Variants in CNTN5 observed in about 807,000 individuals in gnomAD.
The protein encoded by CNTN5 is contactin 5, also known as contactin-5.
In CNTN5, 77 loss-of-function variants were observed where a neutral mutation model predicts 129.1. That is an observed-to-expected ratio of 0.60 (90% confidence interval 0.50 to 0.72). The LOEUF (loss-of-function observed/expected upper bound fraction) is 0.72, where lower values mean the gene tolerates loss of function less well. Among genes scored for constraint, CNTN5 ranks in the 30% least tolerant of loss-of-function variants. CNTN5 has a pLI of 0.00. For synonymous variants in CNTN5, 509 were observed against 465.6 expected (o/e 1.09, Z -1.20); for missense variants, 1,478 against 1,328.8 (o/e 1.11, Z -1.75).
intron 1 of CNTN5, among the ~76,000 whole-genome samples, chr11:99,168,164 G>A (rs570388216): frequency 1.3e-5 from 2 of 152,138 alleles, no homozygotes; most frequent in African/African-American, 2.4e-5. Context: ...GGCAGGTTTC[G>A]AACTCCTGGG....
At chr11:99,737,144 AACACACAC>A (rs138644247) in intron 3 of CNTN5, among the ~76,000 whole-genome samples, 1 of 143,198 alleles carries the variant, frequency 7.0e-6, no homozygotes, top group Non-Finnish European at 1.5e-5. Context: ...CACACACACA[AACACACAC>A]ACACACACAC....
chr11:99,281,630 T>G (rs1049370612), intron 1 of CNTN5, among the ~76,000 whole-genome samples: 3 of 151,988 alleles, frequency 2.0e-5, no homozygotes, highest in African/African-American at 7.2e-5. Flanking sequence ...TATGTCATCA[T>G]TAGCTTTATT....
At chr11:99,624,879 A>G (rs1455276547) in intron 3 of CNTN5, among the ~76,000 whole-genome samples, 1 of 152,172 alleles carries the variant, frequency 6.6e-6, no homozygotes, top group Non-Finnish European at 1.5e-5. Context: ...TTAGGAACCC[A>G]TCACCCCTAA....
At chr11:100,226,844 G>A (rs1203375040) in intron 16 of CNTN5, among the ~76,000 whole-genome samples, 3 of 151,904 alleles carry the variant, frequency 2.0e-5, no homozygotes, top group Non-Finnish European at 4.4e-5. Flanking sequence ...GTTGGCTTGC[G>A]AAATAAAATT....
At chr11:99,309,954 A>G (rs1351972910) in intron 1 of CNTN5, among the ~76,000 whole-genome samples, 1 of 152,190 alleles carries the variant, frequency 6.6e-6, no homozygotes, top group African/African-American at 2.4e-5. Context: ...TGCAGAACAC[A>G]GATCAGCAGC....
chr11:99,817,025 A>G (rs1195761682), intron 3 of CNTN5, among the ~76,000 whole-genome samples: 1 of 152,196 alleles, frequency 6.6e-6, no homozygotes, highest in East Asian at 1.9e-4. Flanking sequence ...AAGCTGAATG[A>G]GAGTTTTCTC....
intron 7 of CNTN5, among the ~76,000 whole-genome samples, chr11:99,920,560 A>G (rs1358784405): frequency 6.6e-6 from 1 of 152,040 alleles, no homozygotes; most frequent in African/African-American, 2.4e-5. Flanking sequence ...TTCCACCTCT[A>G]TTAATAGAAA....
At chr11:99,452,534 G>A (rs1034247361) in intron 2 of CNTN5, among the ~76,000 whole-genome samples, 7 of 151,722 alleles carry the variant, frequency 4.6e-5, no homozygotes, top group Non-Finnish European at 5.9e-5. Context: ...CACCACACCC[G>A]GCTAATTTTT....
chr11:99,262,672 G>A (rs1037474431), intron 1 of CNTN5, among the ~76,000 whole-genome samples: 1 of 150,500 alleles, frequency 6.6e-6, no homozygotes, highest in Non-Finnish European at 1.5e-5. Flanking sequence ...ACCAAGTGAA[G>A]TTTATTTATA....
chr11:100,321,781 C>CT (rs1473880320), intron 21 of CNTN5, among the ~76,000 whole-genome samples: 4 of 151,962 alleles, frequency 2.6e-5, no homozygotes, highest in East Asian at 1.9e-4. Context: ...TTGTCAAATG[C>CT]TTTTTTGCAT....
chr11:99,852,654 A>AT (rs1205026959), intron 6 of CNTN5, among the ~76,000 whole-genome samples: 1 of 152,172 alleles, frequency 6.6e-6, no homozygotes, highest in East Asian at 1.9e-4. Context: ...CTCTGTCTTT[A>AT]TGTGACAGAT....
At chr11:99,254,947 T>G (rs1452597491) in intron 1 of CNTN5, among the ~76,000 whole-genome samples, 1 of 152,010 alleles carries the variant, frequency 6.6e-6, no homozygotes, top group Non-Finnish European at 1.5e-5. Flanking sequence ...ATCTTTTTCC[T>G]TTGACTAGTA....
intron 1 of CNTN5, among the ~76,000 whole-genome samples, chr11:99,104,912 T>C (rs2135363391): frequency 6.6e-6 from 1 of 152,148 alleles, no homozygotes; most frequent in East Asian, 1.9e-4. Context: ...ACTTTTAAAA[T>C]AAAGACAAGA....
intron 3 of CNTN5, among the ~76,000 whole-genome samples, chr11:99,780,167 C>A (rs999589515): frequency 1.3e-5 from 2 of 151,798 alleles, no homozygotes; most frequent in African/African-American, 4.9e-5. Context: ...TCAAGTCCTC[C>A]TTCTTAGTTT....
chr11:100,089,891 T>C (rs548093635), intron 13 of CNTN5, among the ~76,000 whole-genome samples: 2 of 151,748 alleles, frequency 1.3e-5, no homozygotes, highest in South Asian at 2.1e-4. Context: ...CTGGAGTGGG[T>C]TGGGGAGTAG....
At chr11:100,068,400 G>A (rs1441767872) in intron 10 of CNTN5, among the ~76,000 whole-genome samples, 1 of 152,118 alleles carries the variant, frequency 6.6e-6, no homozygotes, top group Non-Finnish European at 1.5e-5. Context: ...ACACTGAATC[G>A]TGAGTAGAAT....
intron 2 of CNTN5, among the ~76,000 whole-genome samples, chr11:99,530,266 T>C (rs899896352): frequency 3.9e-5 from 6 of 152,344 alleles, no homozygotes; most frequent in African/African-American, 1.4e-4. Flanking sequence ...GCATTCTTAA[T>C]CATCCTTTTG....
chr11:99,714,530 T>G (rs921474307), intron 3 of CNTN5, among the ~76,000 whole-genome samples: 7 of 151,966 alleles, frequency 4.6e-5, no homozygotes, highest in Non-Finnish European at 8.8e-5. Flanking sequence ...AAATAATACT[T>G]AGTTGCTGCC....
chr11:99,034,742 T>G (rs1230280321), intron 1 of CNTN5, among the ~76,000 whole-genome samples: 1 of 152,206 alleles, frequency 6.6e-6, no homozygotes, highest in African/African-American at 2.4e-5. Flanking sequence ...ATTAATTTTT[T>G]GAAGGGTTTT....
Sources: allele counts gnomAD v4.1 joint callset (sites outside exome capture counted in the v4.1 genomes callset), GRCh38; gene constraint gnomAD v4.1.1; transcripts MANE v1.5; gene names NCBI Gene and HGNC (gene_info 2026-07-23, HGNC 2026-07-21).